The following SIRPD variants were observed in gnomAD, a reference collection of about 807,000 sequenced individuals.
The protein encoded by SIRPD is signal regulatory protein delta.
Under a neutral mutation model 18.0 loss-of-function variants are expected in SIRPD, and 21 were observed. That is an observed-to-expected ratio of 1.17 (90% confidence interval 0.83 to 1.68). SIRPD has a LOEUF of 1.68. Among genes scored for constraint, SIRPD ranks in the 40% most tolerant of loss-of-function variants. The pLI is 0.00. For synonymous variants in SIRPD, 106 were observed against 92.9 expected (o/e 1.14, Z -0.81); for missense variants, 295 against 238.4 (o/e 1.24, Z -1.56).
chr20:1,550,229 G>A (rs1297218619), intron 2 of SIRPD, among the ~76,000 whole-genome samples: 1 of 152,196 alleles, frequency 6.6e-6, no homozygotes, highest in African/African-American at 2.4e-5. Context: ...TTTTCAACCT[G>A]CTTAGCATTT....
intron 1 of SIRPD, among the ~76,000 whole-genome samples, chr20:1,552,945 C>A (rs767736135): frequency 7.2e-5 from 11 of 152,118 alleles, no homozygotes; most frequent in Non-Finnish European, 1.3e-4. Flanking sequence ...CTGGGAAGGT[C>A]AGTTCTCCTG....
chr20:1,539,649 T>G (rs1445570563), intron 2 of SIRPD, among the ~76,000 whole-genome samples: 2 of 152,254 alleles, frequency 1.3e-5, no homozygotes, highest in Admixed American at 6.5e-5. Flanking sequence ...AGTGATTCAC[T>G]TCTAATGAAA....
rs1411506986 is a variant in SIRPD at position 1,551,912 on chromosome 20, C to T, written c.200G>A (p.Gly67Glu). The T allele has an allele frequency of 3.7e-6, 6 of 1,614,054 alleles. No individual in the cohort carries two copies. Among genetic ancestry groups the T allele is most frequent in the Non-Finnish European group, 4.2e-6 (5 of 1,179,982 alleles). ...LPNGPVLWFK[G>E]TGPNRKLIYN... ...GATTAATTTCCGGTTTGGCCCTGTT[C>T]CCTTGAACCACAAGACAGGTCCATT... The change falls in exon 2 of 4, where the codon GGA (glycine) becomes GAA (glutamate). Residue 67 changes from glycine (G) to glutamate (E), a missense_variant. Gly to Glu is a moderately conservative substitution (Grantham distance 98, BLOSUM62 -2). Transcript: ENST00000381623.
chr20:1,557,609 TAAGG>T lies in SIRPD; in HGVS notation c.41_44del (p.Ser14TyrfsTer35). ...CCAGTTCAAGCAGCAGATACAGCAG[TAAGG>T]AAGGCAGAGGTGGGTGGAGTGGGGA... On this transcript the variant is annotated frameshift_variant, in exon 1 of 4. Transcript: ENST00000381623. LOFTEE classifies it high-confidence loss of function. 1 of 1,599,836 alleles carries T rather than the reference TAAGG, an allele frequency of 6.3e-7. No individual in the cohort carries two copies. The highest frequency in any genetic ancestry group is 1.3e-5 in the African/African-American group (1 of 74,448).
At chr20:1,536,208 T>C (rs1335027210) in intron 3 of SIRPD, among the ~76,000 whole-genome samples, 1 of 152,228 alleles carries the variant, frequency 6.6e-6, no homozygotes, top group Non-Finnish European at 1.5e-5. Flanking sequence ...GGTGGTTCTG[T>C]GTGCTACACA....
chr20:1,555,732 G>C (rs137916202), intron 1 of SIRPD, among the ~76,000 whole-genome samples: 2 of 152,138 alleles, frequency 1.3e-5, no homozygotes, highest in Non-Finnish European at 2.9e-5. Context: ...CATCTTACTC[G>C]GTATATTCCT....
At chr20:1,546,019 T>C (rs2090992141) in intron 2 of SIRPD, among the ~76,000 whole-genome samples, 1 of 152,210 alleles carries the variant, frequency 6.6e-6, no homozygotes, top group Admixed American at 6.5e-5. Context: ...ACCTGCCAGA[T>C]GCCAGCCAGA....
intron 1 of SIRPD, among the ~76,000 whole-genome samples, chr20:1,556,398 A>T (rs2091041579): frequency 6.6e-6 from 1 of 152,232 alleles, no homozygotes; most frequent in Non-Finnish European, 1.5e-5. Flanking sequence ...CCTATGTATA[A>T]AGCACAGACA....
intron 2 of SIRPD, among the ~76,000 whole-genome samples, chr20:1,539,933 C>A (rs1170230345): frequency 6.6e-6 from 1 of 152,190 alleles, no homozygotes; most frequent in Non-Finnish European, 1.5e-5. Flanking sequence ...ACCTTGATTG[C>A]AGCCTTAAAA....
At chr20:1,539,219 T>A (rs2263656) in intron 2 of SIRPD, among the ~76,000 whole-genome samples, 1 of 151,998 alleles carries the variant, frequency 6.6e-6, no homozygotes, top group Non-Finnish European at 1.5e-5. Flanking sequence ...CTAGTATCTG[T>A]GGTAATTTCT....
At chr20:1,534,811 T>C (rs1020633415) in intron 3 of SIRPD, among the ~76,000 whole-genome samples, 6 of 152,348 alleles carry the variant, frequency 3.9e-5, no homozygotes, top group African/African-American at 1.4e-4. Flanking sequence ...ATATTACTGA[T>C]ATTGAGACAC....
At chr20:1,543,660 T>C (rs2090981553) in intron 2 of SIRPD, among the ~76,000 whole-genome samples, 1 of 152,210 alleles carries the variant, frequency 6.6e-6, no homozygotes, top group African/African-American at 2.4e-5. Context: ...TGTCTTCTGC[T>C]ATCTTTTGAA....
At chr20:1,538,032 C>T (rs2090955142) in intron 2 of SIRPD, among the ~76,000 whole-genome samples, 1 of 152,146 alleles carries the variant, frequency 6.6e-6, no homozygotes, top group South Asian at 2.1e-4. Context: ...TAGAAACACT[C>T]ACACCAAGAA....
chr20:1,557,640 G>A lies in SIRPD; in HGVS notation c.14C>T (p.Ala5Val), dbSNP rs1283237424. The A allele has an allele frequency of 6.2e-7, 1 of 1,610,248 alleles. No individual in the cohort carries two copies. Among genetic ancestry groups the A allele is most frequent in the South Asian group, 1.1e-5 (1 of 90,630 alleles). Residue 5 changes from alanine to valine, a missense_variant, in exon 1 of 4, where the codon GCC becomes GTC. Ala to Val is a moderately conservative substitution (Grantham distance 64, BLOSUM62 0). Transcript: ENST00000381623. MPIP[A>V]SPLHPPLPSL... Reference sequence around the variant, plus strand: ...AGGCAGAGGTGGGTGGAGTGGGGAGGCAGGGATGGGCATTGTGGTGAAACC... The same window carrying A: ...AGGCAGAGGTGGGTGGAGTGGGGAGACAGGGATGGGCATTGTGGTGAAACC...
At chr20:1,544,163 C>A (rs1407273034) in intron 2 of SIRPD, among the ~76,000 whole-genome samples, 1 of 152,092 alleles carries the variant, frequency 6.6e-6, no homozygotes, top group African/African-American at 2.4e-5. Context: ...CCTGAATATC[C>A]TTGTTAATTT....
At chr20:1,537,117 A>C (rs748546874) in intron 3 of SIRPD, 38 bp downstream of exon 3, 14 of 1,600,872 alleles carry the variant, frequency 8.7e-6, no homozygotes, top group Non-Finnish European at 1.2e-5. Context: ...TCAGGAGAGC[A>C]TCCCTGCATC....
At chr20:1,544,186 A>G in intron 2 of SIRPD, among the ~76,000 whole-genome samples, 1 of 152,182 alleles carries the variant, frequency 6.6e-6, no homozygotes, top group East Asian at 1.9e-4. Flanking sequence ...TGTCTCATTG[A>G]TGTATCAAAT....
chr20:1,544,484 A>T (rs2090985350), intron 2 of SIRPD, among the ~76,000 whole-genome samples: 1 of 145,364 alleles, frequency 6.9e-6, no homozygotes, highest in African/African-American at 2.5e-5. Flanking sequence ...ATCTTCCTCC[A>T]TCCCTTTATT....
chr20:1,557,278 A>C (rs2091045559), intron 1 of SIRPD, among the ~76,000 whole-genome samples: 2 of 151,764 alleles, frequency 1.3e-5, no homozygotes, highest in Admixed American at 1.3e-4. Context: ...GGTAAAAATA[A>C]AATAAAATAA....
Sources: gnomAD v4.1 joint callset for allele counts (sites outside exome capture counted in the v4.1 genomes callset) on GRCh38, gnomAD v4.1.1 for gene constraint, MANE v1.5 for transcripts, NCBI Gene and HGNC (gene_info 2026-07-23, HGNC 2026-07-21) for gene names.